Variants in FSTL5 observed in about 807,000 individuals in gnomAD.
The protein encoded by FSTL5 is follistatin like 5, also known as follistatin-related protein 5.
A neutral mutation model predicts 89.1 loss-of-function variants in FSTL5; 62 were observed. The observed-to-expected ratio is 0.70, with a 90% CI of 0.57 to 0.86. FSTL5 has a LOEUF of 0.86. Among genes scored for constraint, FSTL5 ranks in the 40% least tolerant of loss-of-function variants. The probability of loss-of-function intolerance (pLI) is 0.00; values close to 1 mark genes in which losing one functional copy is unlikely to be tolerated. For synonymous variants in FSTL5, 383 were observed against 346.2 expected, an observed-to-expected ratio of 1.11 and a Z score of -1.18; for missense variants, 1,057 against 1,001.6, an observed-to-expected ratio of 1.06 and a Z score of -0.75.
intron 4 of FSTL5, among the ~76,000 whole-genome samples, chr4:161,804,034 C>A (rs1729881715): frequency 6.6e-6 from 1 of 151,938 alleles, no homozygotes; most frequent in Non-Finnish European, 1.5e-5. Context: ...TTGTTGCTAT[C>A]AGCTGGAGAA....
At chr4:161,502,637 T>A (rs1454714507) in intron 11 of FSTL5, among the ~76,000 whole-genome samples, 2 of 151,814 alleles carry the variant, frequency 1.3e-5, no homozygotes, top group South Asian at 2.1e-4. Context: ...TCTCTGCGAG[T>A]CCTCCTCATT....
At chr4:161,726,768 CTA>C (rs887987799) in intron 6 of FSTL5, among the ~76,000 whole-genome samples, 1 of 151,872 alleles carries the variant, frequency 6.6e-6, no homozygotes, top group African/African-American at 2.4e-5. Context: ...ACTTTACTAA[CTA>C]TATACATATA....
In FSTL5 at chr4:161,743,661, A is replaced by C. The variant is rs184122303; in HGVS notation, c.727+15750T>G. On this transcript the variant is annotated intron_variant, in intron 6 of 15. Transcript: ENST00000306100. ...TGGTATTGTTATTTTAACAATACTA[A>C]GTCTTGCAGATATATTTTAAATCTG... is the stretch of plus-strand genomic sequence containing the variant. Among the ~76,000 whole-genome samples the C allele has an allele frequency of 7.7e-3, 1,169 of 152,266 alleles. 17 individuals are homozygous for C. Among genetic ancestry groups the C allele is most frequent in the African/African-American group, 0.026 (1,092 of 41,566 alleles).
chr4:162,145,400 T>C (rs1732933737), intron 1 of FSTL5, among the ~76,000 whole-genome samples: 1 of 152,100 alleles, frequency 6.6e-6, no homozygotes. Context: ...TTCCATACAA[T>C]ATTTATAGTC....
chr4:162,160,800 G>A (rs185099329), intron 1 of FSTL5, among the ~76,000 whole-genome samples: 5 of 148,294 alleles, frequency 3.4e-5, no homozygotes, highest in African/African-American at 7.4e-5. Flanking sequence ...TTTTTCTATC[G>A]CCCATGTTAG....
intron 15 of FSTL5, among the ~76,000 whole-genome samples, chr4:161,430,544 T>A (rs1008760800): frequency 2.0e-5 from 3 of 151,990 alleles, no homozygotes; most frequent in Non-Finnish European, 4.4e-5. Context: ...ATCGAGACCA[T>A]CCTGGCTAAC....
At chr4:161,904,165 A>T (rs1222297636) in intron 4 of FSTL5, among the ~76,000 whole-genome samples, 1 of 151,930 alleles carries the variant, frequency 6.6e-6, no homozygotes, top group African/African-American at 2.4e-5. Flanking sequence ...AATAACAGAG[A>T]CTCACAAGCA....
chr4:162,087,550 T>C (rs1228491851), intron 2 of FSTL5, among the ~76,000 whole-genome samples: 4 of 152,198 alleles, frequency 2.6e-5, no homozygotes, highest in African/African-American at 9.6e-5. Flanking sequence ...ACACTCTTAT[T>C]AACAAAGTTA....
chr4:161,526,719 C>A (rs1426633685), intron 10 of FSTL5, among the ~76,000 whole-genome samples: 1 of 152,162 alleles, frequency 6.6e-6, no homozygotes, highest in African/African-American at 2.4e-5. Context: ...TTCCACATTG[C>A]TTGTTTTTCT....
intron 10 of FSTL5, among the ~76,000 whole-genome samples, chr4:161,537,652 A>T (rs1261774231): frequency 6.6e-6 from 1 of 152,228 alleles, no homozygotes; most frequent in Non-Finnish European, 1.5e-5. Flanking sequence ...CACTAAACCA[A>T]GAACAGCAAC....
At chr4:161,403,356 T>A (rs6846094) in intron 15 of FSTL5, among the ~76,000 whole-genome samples, 1 of 152,140 alleles carries the variant, frequency 6.6e-6, no homozygotes, top group Non-Finnish European at 1.5e-5. Flanking sequence ...AGGAATCTTT[T>A]AAAAAATTAA....
At chr4:161,451,602 G>C (rs1049540043) in intron 15 of FSTL5, among the ~76,000 whole-genome samples, 2 of 152,200 alleles carry the variant, frequency 1.3e-5, no homozygotes, top group Non-Finnish European at 2.9e-5. Flanking sequence ...AGTTGGTTAA[G>C]GTCACCAGAG....
intron 3 of FSTL5, among the ~76,000 whole-genome samples, chr4:161,983,532 A>C (rs1172418454): frequency 6.6e-6 from 1 of 152,164 alleles, no homozygotes; most frequent in Non-Finnish European, 1.5e-5. Context: ...TAGAGGAATA[A>C]TTTTTTAAAG....
At chr4:162,005,915 A>G (rs1466597983) in intron 3 of FSTL5, among the ~76,000 whole-genome samples, 3 of 152,008 alleles carry the variant, frequency 2.0e-5, no homozygotes, top group Non-Finnish European at 4.4e-5. Flanking sequence ...CTGCTACCAC[A>G]TATTTACAAA....
intron 4 of FSTL5, among the ~76,000 whole-genome samples, chr4:161,798,291 GC>G (rs1232005067): frequency 2.6e-5 from 4 of 151,552 alleles, no homozygotes. Context: ...TTCTATTACA[GC>G]CCCCTGTTCC....
chr4:161,456,595 T>C (rs910969771), intron 14 of FSTL5, among the ~76,000 whole-genome samples: 1 of 152,220 alleles, frequency 6.6e-6, no homozygotes, highest in Admixed American at 6.5e-5. Flanking sequence ...CAATGAGGGC[T>C]TGCCCATATT....
intron 1 of FSTL5, among the ~76,000 whole-genome samples, chr4:162,141,623 C>T (rs1732750561): frequency 6.6e-6 from 1 of 152,014 alleles, no homozygotes; most frequent in Admixed American, 6.6e-5. Flanking sequence ...TGCAAATGAA[C>T]TAAGACAAGT....
At chr4:161,560,236 A>C (rs1732544929) in intron 8 of FSTL5, among the ~76,000 whole-genome samples, 1 of 151,878 alleles carries the variant, frequency 6.6e-6, no homozygotes, top group Non-Finnish European at 1.5e-5. Flanking sequence ...GTAAGATATA[A>C]TATAAAAGAT....
At chr4:161,492,716 G>A (rs370129840) in intron 12 of FSTL5, among the ~76,000 whole-genome samples, 3 of 151,848 alleles carry the variant, frequency 2.0e-5, no homozygotes, top group East Asian at 3.9e-4. Flanking sequence ...GTTGTAATGG[G>A]CAATAAGTCG....
Sources: gnomAD v4.1 joint callset for allele counts (sites outside exome capture counted in the v4.1 genomes callset) on GRCh38, gnomAD v4.1.1 for gene constraint, MANE v1.5 for transcripts, NCBI Gene and HGNC (gene_info 2026-07-23, HGNC 2026-07-21) for gene names.